The following AGBL1 variants were observed in gnomAD, a reference collection of about 807,000 sequenced individuals.
AGBL1 encodes the protein AGBL carboxypeptidase 1, also known as cytosolic carboxypeptidase 4.
AGBL1 carries 130 observed loss-of-function variants against 118.9 expected under a neutral mutation model. The ratio of observed to expected loss-of-function variants is 1.09; its 90% CI spans 0.95 to 1.26. The LOEUF (loss-of-function observed/expected upper bound fraction) is 1.26. Among genes scored for constraint, AGBL1 ranks in the 50% most tolerant of loss-of-function variants. AGBL1 has a pLI of 0.00. For missense variants in AGBL1, 1,584 were observed against 1,298.1 expected, an observed-to-expected ratio of 1.22 and a Z score of -3.38; for synonymous variants, 555 against 478.9, an observed-to-expected ratio of 1.16 and a Z score of -2.08.
intron 24 of AGBL1, among the ~76,000 whole-genome samples, chr15:87,024,692 T>C (rs2081707243): frequency 1.3e-5 from 2 of 151,884 alleles, no homozygotes; most frequent in South Asian, 4.1e-4. Flanking sequence ...AAAAGAAAAC[T>C]ACAGACCAAT....
At chr15:86,802,170 T>A (rs2078659532) in intron 22 of AGBL1, among the ~76,000 whole-genome samples, 1 of 152,186 alleles carries the variant, frequency 6.6e-6, no homozygotes. Context: ...GGCAGCATTT[T>A]ATTTTTCAAG....
intron 5 of AGBL1, among the ~76,000 whole-genome samples, chr15:86,221,504 G>A (rs548403092): frequency 3.3e-5 from 5 of 152,308 alleles, no homozygotes; most frequent in South Asian, 2.1e-4. Context: ...TTCATGCTTC[G>A]CTGTGGGAGC....
At chr15:86,260,255 A>G (rs909556370) in intron 9 of AGBL1, among the ~76,000 whole-genome samples, 3 of 152,242 alleles carry the variant, frequency 2.0e-5, no homozygotes, top group Non-Finnish European at 2.9e-5. Context: ...ATTTCTGGCC[A>G]CAGCACTGAT....
chr15:86,313,324 A>C (rs940216334), intron 17 of AGBL1, among the ~76,000 whole-genome samples: 4 of 152,334 alleles, frequency 2.6e-5, no homozygotes, highest in Middle Eastern at 6.8e-3. Context: ...AAAAAAAACA[A>C]AGAATTCCCA....
chr15:86,673,710 A>C (rs570898603), intron 21 of AGBL1, among the ~76,000 whole-genome samples: 13 of 152,306 alleles, frequency 8.5e-5, no homozygotes, highest in Admixed American at 2.6e-4. Context: ...CATGAATTAT[A>C]CTATAGAGTA....
intron 21 of AGBL1, among the ~76,000 whole-genome samples, chr15:86,623,809 T>G (rs1201556888): frequency 1.3e-5 from 2 of 152,220 alleles, no homozygotes; most frequent in African/African-American, 4.8e-5. Context: ...TTCCAAATCC[T>G]GTTAAATCAG....
chr15:86,837,156 A>T (rs1463866722), intron 22 of AGBL1, among the ~76,000 whole-genome samples: 1 of 151,818 alleles, frequency 6.6e-6, no homozygotes, highest in Admixed American at 6.6e-5. Context: ...CAACTTCAGG[A>T]TCCCTGCATA....
chr15:86,081,207 C>T (rs1895259884), intron 1 of AGBL1, among the ~76,000 whole-genome samples: 1 of 152,078 alleles, frequency 6.6e-6, no homozygotes, highest in African/African-American at 2.4e-5. Context: ...CCATGCCTGG[C>T]TAATTTTTTG....
At chr15:87,011,125 C>T (rs73449195) in intron 24 of AGBL1, among the ~76,000 whole-genome samples, 10 of 152,274 alleles carry the variant, frequency 6.6e-5, no homozygotes, top group African/African-American at 2.4e-5. Context: ...TTGTCACTTG[C>T]AGTTCAGTGA....
intron 22 of AGBL1, among the ~76,000 whole-genome samples, chr15:86,857,941 T>A: frequency 6.6e-6 from 1 of 152,266 alleles, no homozygotes; most frequent in East Asian, 1.9e-4. Context: ...ACAAATGTTT[T>A]CTTGGCACTG....
intron 22 of AGBL1, among the ~76,000 whole-genome samples, chr15:86,805,830 CA>C (rs1439335351): frequency 6.6e-6 from 1 of 152,130 alleles, no homozygotes; most frequent in Admixed American, 6.6e-5. Context: ...TTGCAATCCC[CA>C]AAAGTCAACT....
At chr15:86,692,608 A>T (rs1169127886) in intron 22 of AGBL1, among the ~76,000 whole-genome samples, 2 of 152,078 alleles carry the variant, frequency 1.3e-5, no homozygotes, top group Non-Finnish European at 2.9e-5. Flanking sequence ...TCTTCTTTCA[A>T]ATTTTTTTTT....
intron 22 of AGBL1, among the ~76,000 whole-genome samples, chr15:86,818,879 A>G (rs1159199815): frequency 6.6e-6 from 1 of 152,106 alleles, no homozygotes; most frequent in East Asian, 1.9e-4. Context: ...TATTTGCAAA[A>G]TGGATATAAT....
At chr15:86,235,449 C>T (rs186764217) in intron 6 of AGBL1, among the ~76,000 whole-genome samples, 170 of 152,230 alleles carry the variant, frequency 1.1e-3, no homozygotes, top group Middle Eastern at 3.4e-3. Context: ...AATTTTAGAA[C>T]TTGTATCATC....
chr15:86,093,451 G>T (rs955443313), intron 1 of AGBL1, among the ~76,000 whole-genome samples: 2 of 152,128 alleles, frequency 1.3e-5, no homozygotes, highest in Admixed American at 1.3e-4. Context: ...AGATCCACCA[G>T]TACCCCAGAA....
chr15:86,174,202 T>C (rs896825356), intron 5 of AGBL1, among the ~76,000 whole-genome samples: 4 of 152,100 alleles, frequency 2.6e-5, no homozygotes, highest in African/African-American at 9.6e-5. Flanking sequence ...TTTTGTTATT[T>C]TTTGTAGCTA....
chr15:86,796,476 C>T (rs1180099044), intron 22 of AGBL1, among the ~76,000 whole-genome samples: 5 of 152,156 alleles, frequency 3.3e-5, no homozygotes, highest in East Asian at 1.9e-4. Context: ...TGCCACAGTC[C>T]GAAATACCTC....
chr15:86,492,257 G>C (rs1360637790), intron 18 of AGBL1, among the ~76,000 whole-genome samples: 1 of 152,132 alleles, frequency 6.6e-6, no homozygotes, highest in Non-Finnish European at 1.5e-5. Context: ...CGAAGTAGGA[G>C]GGGGCAGCCC....
intron 24 of AGBL1, among the ~76,000 whole-genome samples, chr15:87,003,473 G>A (rs143674964): frequency 0.015 from 2,292 of 152,104 alleles, 62 homozygotes; most frequent in African/African-American, 0.052. Context: ...CTTTGGTATC[G>A]TGATGATGCT....
Sources: gnomAD v4.1 joint callset for allele counts (sites outside exome capture counted in the v4.1 genomes callset) on GRCh38, gnomAD v4.1.1 for gene constraint, MANE v1.5 for transcripts, NCBI Gene and HGNC (gene_info 2026-07-23, HGNC 2026-07-21) for gene names.